The following KHDRBS2 variants were observed in gnomAD, a reference collection of about 807,000 sequenced individuals.
The protein encoded by KHDRBS2 is KH RNA binding domain containing, signal transduction associated 2.
KHDRBS2 carries 26 observed loss-of-function variants against 44.3 expected under a neutral mutation model. The ratio of observed to expected loss-of-function variants is 0.59; its 90% CI spans 0.43 to 0.81. The LOEUF (loss-of-function observed/expected upper bound fraction) is 0.81, where lower values mean the gene tolerates loss of function less well. Ranked by LOEUF, KHDRBS2 falls within the 40% of genes least tolerant of loss-of-function variation. The pLI, the probability that KHDRBS2 is intolerant of heterozygous loss-of-function variation, is 0.00. For synonymous variants in KHDRBS2, 194 were observed against 151.1 expected (o/e 1.28, Z -2.08); for missense variants, 476 against 433.1 (o/e 1.10, Z -0.88).
chr6:61,624,805 A>G, the KHDRBS2 span, among the ~76,000 whole-genome samples: 1 of 152,298 alleles, frequency 6.6e-6, no homozygotes, highest in South Asian at 2.1e-4. Context: ...TATGGACCCA[A>G]GAACCAAGGG....
intron 4 of KHDRBS2, among the ~76,000 whole-genome samples, chr6:61,946,017 T>C (rs878930927): frequency 3.3e-5 from 5 of 152,142 alleles, no homozygotes; most frequent in Admixed American, 2.6e-4. Flanking sequence ...GAGAAAGAGA[T>C]TGAAAGAGAG....
chr6:61,713,367 G>A (rs963127012), intron 7 of KHDRBS2, among the ~76,000 whole-genome samples: 12 of 151,474 alleles, frequency 7.9e-5, no homozygotes, highest in African/African-American at 2.9e-4. Context: ...ATCTTCTTTT[G>A]ACTCTATCCT....
At chr6:61,654,880 C>T in the KHDRBS2 span, among the ~76,000 whole-genome samples, 2 of 151,596 alleles carry the variant, frequency 1.3e-5, no homozygotes, top group Middle Eastern at 3.4e-3. Flanking sequence ...CTGGGGAAGG[C>T]GCAGGAGGCA....
intron 3 of KHDRBS2, among the ~76,000 whole-genome samples, chr6:62,026,706 C>T (rs941817489): frequency 6.6e-6 from 1 of 151,834 alleles, no homozygotes; most frequent in Non-Finnish European, 1.5e-5. Context: ...GTGTGAGCCC[C>T]CAAGCCCAGT....
chr6:61,758,266 T>C (rs1778801178), intron 6 of KHDRBS2, among the ~76,000 whole-genome samples: 1 of 152,072 alleles, frequency 6.6e-6, no homozygotes, highest in Admixed American at 6.6e-5. Context: ...CATGAAACAC[T>C]TGTTTCATAT....
chr6:62,012,729 T>C, intron 3 of KHDRBS2, among the ~76,000 whole-genome samples: 1 of 152,126 alleles, frequency 6.6e-6, no homozygotes, highest in South Asian at 2.1e-4. Flanking sequence ...TCAGCTTCAT[T>C]GCCACTATCT....
chr6:62,271,890 T>C (rs1840153127), intron 1 of KHDRBS2, among the ~76,000 whole-genome samples: 1 of 152,168 alleles, frequency 6.6e-6, no homozygotes, highest in South Asian at 2.1e-4. Flanking sequence ...TATTATTGAA[T>C]ACTTTTTAAA....
chr6:61,596,049 C>T, the KHDRBS2 span, among the ~76,000 whole-genome samples: 1 of 152,066 alleles, frequency 6.6e-6, no homozygotes, highest in African/African-American at 2.4e-5. Flanking sequence ...GAGCTCAGAA[C>T]AGAAGACAGA....
chr6:61,722,683 A>G (rs1772851405), intron 7 of KHDRBS2, among the ~76,000 whole-genome samples: 1 of 151,456 alleles, frequency 6.6e-6, no homozygotes, highest in Admixed American at 6.6e-5. Context: ...TTGTTTGTAA[A>G]TGCTGGAGGA....
downstream of KHDRBS2, chr6:61,679,004 G>T (rs1766098373): frequency 6.6e-6 from 1 of 151,854 alleles, no homozygotes; most frequent in Admixed American, 6.6e-5. Context: ...ACAGCATTTT[G>T]TAAAAGGCAA....
At chr6:61,677,500 G>A (rs1467809818), downstream of KHDRBS2, among the ~76,000 whole-genome samples, 1 of 151,860 alleles carries the variant, frequency 6.6e-6, no homozygotes, top group Non-Finnish European at 1.5e-5. Context: ...TTAAGAGTTT[G>A]AATTTTAGAA....
intron 3 of KHDRBS2, among the ~76,000 whole-genome samples, chr6:62,036,445 G>T (rs545313387): frequency 6.6e-6 from 1 of 151,806 alleles, no homozygotes; most frequent in Admixed American, 6.6e-5. Flanking sequence ...CGGACACTAT[G>T]TTCATTACCT....
chr6:61,704,291 G>A (rs369923428), intron 7 of KHDRBS2, among the ~76,000 whole-genome samples: 82 of 151,856 alleles, frequency 5.4e-4, no homozygotes, highest in African/African-American at 1.8e-3. Flanking sequence ...AAGGCTTCAC[G>A]GAAATTACAG....
chr6:61,818,361 T>C (rs1243917230), intron 6 of KHDRBS2, among the ~76,000 whole-genome samples: 1 of 150,374 alleles, frequency 6.7e-6, no homozygotes, highest in African/African-American at 2.4e-5. Context: ...GTTATTGAAA[T>C]TTAATATAAT....
rs1842457191 is a variant in KHDRBS2 at position 62,286,071 on chromosome 6, TGCGTCC to T, written c.-129_-124del. The stretch of plus-strand genomic sequence containing the variant: ...TCCTCCGCGCGGCGAGGGATCTCTG[TGCGTCC>T]TCACTGGCCCATGCACCCAGCACCT... On this transcript the variant is annotated 5_prime_UTR_variant, in exon 1 of 9. Coordinates refer to ENST00000281156, the MANE Select transcript of KHDRBS2 (RefSeq NM_152688.4). The T allele has an allele frequency of 1.4e-6, 1 of 691,596 alleles. No individual in the cohort carries two copies. The highest frequency in any genetic ancestry group is 2.6e-6 in the Non-Finnish European group (1 of 386,720). The allele number at this position is 691,596 out of a possible 1,614,324, so 42.8% of individuals were successfully genotyped here.
intron 2 of KHDRBS2, among the ~76,000 whole-genome samples, chr6:62,112,669 A>G (rs771218792): frequency 2.0e-3 from 301 of 152,256 alleles, no homozygotes; most frequent in Non-Finnish European, 4.6e-4. Flanking sequence ...AATCTATTAA[A>G]GATGGTGAAT....
At chr6:61,849,614 G>T (rs1271647874) in intron 6 of KHDRBS2, among the ~76,000 whole-genome samples, 1 of 150,622 alleles carries the variant, frequency 6.6e-6, no homozygotes, top group Non-Finnish European at 1.5e-5. Flanking sequence ...GACAAGTAAT[G>T]TACTTCAGAG....
intron 1 of KHDRBS2, among the ~76,000 whole-genome samples, chr6:62,224,886 AT>A (rs1382205149): frequency 1.2e-4 from 19 of 152,316 alleles, no homozygotes; most frequent in African/African-American, 3.4e-4. Flanking sequence ...GCTCAAAGAT[AT>A]CCCTACCTGA....
At chr6:61,841,299 T>G (rs931561269) in intron 6 of KHDRBS2, among the ~76,000 whole-genome samples, 3 of 152,182 alleles carry the variant, frequency 2.0e-5, no homozygotes, top group Non-Finnish European at 4.4e-5. Context: ...TCTTTAAATT[T>G]ACCTCCTTTC....
Sources: gnomAD v4.1 joint callset for allele counts (sites outside exome capture counted in the v4.1 genomes callset) on GRCh38, gnomAD v4.1.1 for gene constraint, MANE v1.5 for transcripts, NCBI Gene and HGNC (gene_info 2026-07-23, HGNC 2026-07-21) for gene names.